TMPPE: variants seen among roughly 807,000 people sequenced by gnomAD.
TMPPE encodes the protein transmembrane protein with metallophosphoesterase domain.
A neutral mutation model predicts 22.6 loss-of-function variants in TMPPE; 16 were observed. That is an observed-to-expected ratio of 0.71 (90% CI 0.48 to 1.08). The LOEUF (loss-of-function observed/expected upper bound fraction) is 1.08. Ranked by LOEUF, TMPPE falls within the 50% of genes least tolerant of loss-of-function variation. The probability of loss-of-function intolerance (pLI) is 0.00; values close to 1 mark genes in which losing one functional copy is unlikely to be tolerated. For synonymous variants in TMPPE, 240 were observed against 245.3 expected (o/e 0.98, Z 0.20); for missense variants, 526 against 584.3 (o/e 0.90, Z 1.03).
In TMPPE at chr3:33,091,734, A is replaced by G; in HGVS notation, c.*1100T>C. On this transcript the variant is annotated 3_prime_UTR_variant, in exon 2 of 2. Transcript: ENST00000342462. The stretch of plus-strand genomic sequence containing the variant: ...TGCCCTATGAGTGAGCAGCAGGGTT[A>G]GCCTCTCCAGTCAGAGCGAGTGTCT... 1.0e-6 allele frequency: 1 copy of G among 985,416 alleles called. No homozygotes were observed. The highest frequency in any genetic ancestry group is 1.2e-6 in the Non-Finnish European group (1 of 829,924). 61.0% of individuals were successfully genotyped at this position (985,416 alleles called of 1,614,324 possible). A position where few individuals can be genotyped will look rare whatever the true frequency, so the allele number is the denominator to read the frequency against.
chr3:33,092,739 G>A lies in TMPPE; in HGVS notation c.*95C>T. The A allele has an allele frequency of 6.6e-7, 1 of 1,504,648 alleles. No homozygotes were observed. Among genetic ancestry groups the A allele is most frequent in the African/African-American group, 1.4e-5 (1 of 71,874 alleles). The allele number at this position is 1,504,648 out of a possible 1,614,324, so 93.2% of individuals were successfully genotyped here. On this transcript the variant is annotated 3_prime_UTR_variant, in exon 2 of 2. Transcript: ENST00000342462. Reference sequence around the variant, plus strand: ...AAGGGTGTGTAGGCAAGGATGAGTGGGCAAGGCTGGAGGGGAAAAGCAGGC... The same window carrying A: ...AAGGGTGTGTAGGCAAGGATGAGTGAGCAAGGCTGGAGGGGAAAAGCAGGC...
chr3:33,091,221 A>G lies in TMPPE; in HGVS notation c.*1613T>C, dbSNP rs1700745117. ...AAGGAAACCACCAAAATTTCAACTC[A>G]AAGATACATTTTAAACTGCATGGTA... On this transcript the variant is annotated 3_prime_UTR_variant, in exon 2 of 2. Coordinates refer to ENST00000342462, the MANE Select transcript of TMPPE (RefSeq NM_001039770.3). 5 of 985,378 alleles carry G rather than the reference A, an allele frequency of 5.1e-6. No homozygotes were observed. The South Asian group carries it at 2.3e-4, about 46-fold the overall frequency. 61.0% of individuals were successfully genotyped at this position (985,378 alleles called of 1,614,324 possible). A position where few individuals can be genotyped will look rare whatever the true frequency, so the allele number is the denominator to read the frequency against.
intron 1 of TMPPE, 160 bp downstream of exon 1, chr3:33,096,559 C>T: frequency 1.0e-6 from 1 of 984,400 alleles, no homozygotes; most frequent in Non-Finnish European, 1.2e-6. Context: ...GTTCCCACTG[C>T]AAGGGCCTCT....
intron 1 of TMPPE, 37 bp from the exon 2 acceptor site, chr3:33,094,340 T>G: frequency 6.9e-7 from 1 of 1,454,006 alleles, no homozygotes; most frequent in Non-Finnish European, 9.1e-7. Context: ...TGTGGGATAT[T>G]AGAGTGTCCT....
Position 33,094,091 on chromosome 3 carries a change from A to G in TMPPE, c.105T>C (p.Leu35=). Reference sequence around the variant, plus strand: ...GCAGCCAACGCCAGGCCCTGAGCTCAAGGCTCTCTGCCAGATACGAGCGGG... The same window carrying G: ...GCAGCCAACGCCAGGCCCTGAGCTCGAGGCTCTCTGCCAGATACGAGCGGG... ...IASRSYLAES[L]ELRAWRWLLR... is the part of the protein sequence containing the mutation. Residue 35 remains leucine, a synonymous_variant, in exon 2 of 2, where the codon CTT becomes CTC. Transcript: ENST00000342462. The G allele has an allele frequency of 6.2e-7, 1 of 1,614,282 alleles. No homozygotes were observed. The highest frequency in any genetic ancestry group is 8.5e-7 in the Non-Finnish European group (1 of 1,180,052).
rs566906444 is a variant in TMPPE, at chr3:33,096,841, G to C, written c.-231C>G. On this transcript the variant is annotated 5_prime_UTR_variant, in exon 1 of 2. Coordinates refer to ENST00000342462, the MANE Select transcript of TMPPE (RefSeq NM_001039770.3). ...GCGCCCCGCCCGGCCCGCCCCCGAC[G>C]GGAAGGCCGGTCCACTGCCTGCGTT... 7.3e-7 allele frequency: 1 copy of C among 1,364,512 alleles called. No individual in the cohort carries two copies. The highest frequency in any genetic ancestry group is 9.4e-7 in the Non-Finnish European group (1 of 1,059,316). 84.5% of individuals were successfully genotyped at this position (1,364,512 alleles called of 1,614,324 possible).
At position 33,092,363 on chromosome 3, in the gene TMPPE, G is replaced by A. The variant is rs1004580254; in HGVS notation, c.*471C>T. 2 of 987,758 alleles carry A rather than the reference G, an allele frequency of 2.0e-6. No homozygotes were observed. The highest frequency in any genetic ancestry group is 3.5e-5 in the African/African-American group (2 of 57,234). The allele number at this position is 987,758 out of a possible 1,614,324, so 61.2% of individuals were successfully genotyped here. The stretch of plus-strand genomic sequence containing the variant: ...TCTTGCCTGTTCTCCCAAATTACCT[G>A]GCAACACTACCCCTTCCCCAGAAAG... On this transcript the variant is annotated 3_prime_UTR_variant, in exon 2 of 2. Transcript: ENST00000342462.
chr3:33,091,919 C>G lies in TMPPE; in HGVS notation c.*915G>C. ...GCTTCTGGCAAAAGGGCAAAAGCAC[C>G]GCTTTTACTGGGAGGTACAAGACCT... is the stretch of plus-strand genomic sequence containing the variant. On this transcript the variant is annotated 3_prime_UTR_variant, in exon 2 of 2. Coordinates refer to ENST00000342462, the MANE Select transcript of TMPPE (RefSeq NM_001039770.3). The G allele has an allele frequency of 4.1e-6, 4 of 985,344 alleles. No individual in the cohort carries two copies. The highest frequency in any genetic ancestry group is 4.8e-6 in the Non-Finnish European group (4 of 829,890). The allele number at this position is 985,344 out of a possible 1,614,324, so 61.0% of individuals were successfully genotyped here.
In TMPPE at chr3:33,092,954, G is replaced by A. The variant is rs1700833597; in HGVS notation, c.1242C>T (p.Leu414=). Residue 414 remains leucine (L), a synonymous_variant, in exon 2 of 2, where the codon CTC becomes CTT. Coordinates refer to ENST00000342462, the MANE Select transcript of TMPPE (RefSeq NM_001039770.3). ...CGAATGTAGCCTGGGCCACCTGGTAGAGACCAGCAAAGAAGGGATTCAGGA... is the reference window on the plus strand; with the variant it reads ...CGAATGTAGCCTGGGCCACCTGGTAAAGACCAGCAAAGAAGGGATTCAGGA... ...AYLLNPFFAG[L]YQVAQATFVY... The A allele has an allele frequency of 3.1e-6, 5 of 1,614,250 alleles. No homozygotes were observed. Among genetic ancestry groups the A allele is most frequent in the Non-Finnish European group, 4.2e-6 (5 of 1,180,050 alleles).
Position 33,097,042 on chromosome 3 carries a change from A to G in TMPPE, c.-432T>C, listed in dbSNP as rs772183378. ...GCCGCGCGTAGGGCCCAGAAGCAGC[A>G]GAACCAGCAACAGAGGGAGGATGCG... is the stretch of plus-strand genomic sequence containing the variant. On this transcript the variant is annotated 5_prime_UTR_variant, in exon 1 of 2. Transcript: ENST00000342462. The G allele has an allele frequency of 1.9e-6, 3 of 1,612,502 alleles. No individual in the cohort carries two copies. The highest frequency in any genetic ancestry group is 2.5e-6 in the Non-Finnish European group (3 of 1,179,086).
At chr3:33,095,216 A>G (rs1700967909) in intron 1 of TMPPE, among the ~76,000 whole-genome samples, 1 of 108,254 alleles carries the variant, frequency 9.2e-6, no homozygotes, top group Non-Finnish European at 2.1e-5. Context: ...GTCTCAAAAA[A>G]AAAAAAAAAA....
Position 33,097,115 on chromosome 3 carries a change from C to T in TMPPE, c.-505G>A, listed in dbSNP as rs1352339428. ...ACCAGCCTCCCGGCTCTGCAGTCGG[C>T]GCCCAGGCCGGCCGCTTCGCGTCAC... On this transcript the variant is annotated 5_prime_UTR_variant, in exon 1 of 2. Transcript: ENST00000342462. 2.5e-6 allele frequency: 4 copies of T among 1,609,392 alleles called. No homozygotes were observed. The highest frequency in any genetic ancestry group is 3.4e-6 in the Non-Finnish European group (4 of 1,177,748).
chr3:33,091,632 G>T lies in TMPPE; in HGVS notation c.*1202C>A, dbSNP rs1700766971. On this transcript the variant is annotated 3_prime_UTR_variant, in exon 2 of 2. Transcript: ENST00000342462. ...ATCCCTCCTGACAAAACAATCTTGA[G>T]GTAGATACGATAATTATCCCCATTT... 1 of 984,052 alleles carries T rather than the reference G, an allele frequency of 1.0e-6. No individual in the cohort carries two copies. Among genetic ancestry groups the T allele is most frequent in the Admixed American group, 6.1e-5 (1 of 16,264 alleles). 61.0% of individuals were successfully genotyped at this position (984,052 alleles called of 1,614,324 possible).
Position 33,093,334 on chromosome 3 carries a change from A to G in TMPPE, c.862T>C (p.Trp288Arg). 1 of 1,614,200 alleles carries G rather than the reference A, an allele frequency of 6.2e-7. No homozygotes were observed. The part of the protein sequence containing the change: ...HEYYTSDVSN[W>R]FALLESLHVQ... ...TGCAGGGATTCCAGAAGTGCAAACC[A>G]GTTGCTGACATCTGACGTGTAGTAC... The change falls in exon 2 of 2, where the codon TGG (tryptophan) becomes CGG (arginine). Residue 288 changes from tryptophan to arginine, a missense_variant. By Grantham distance (101) the Trp-to-Arg change is moderately radical. Transcript: ENST00000342462. The surrounding 1 kb of genome is among the most constrained non-coding windows in gnomAD (Gnocchi z 6.0).
chr3:33,096,819 C>T lies in TMPPE; in HGVS notation c.-209G>A. 1 of 1,364,306 alleles carries T rather than the reference C, an allele frequency of 7.3e-7. No homozygotes were observed. Among genetic ancestry groups the T allele is most frequent in the Non-Finnish European group, 9.4e-7 (1 of 1,061,880 alleles). The allele number at this position is 1,364,306 out of a possible 1,614,324, so 84.5% of individuals were successfully genotyped here. A position where few individuals can be genotyped will look rare whatever the true frequency, so the allele number is the denominator to read the frequency against. Reference sequence around the variant, plus strand: ...ACCGAGCTGCCTGGAAGGACGCGCGCCCCGCCCGGCCCGCCCCCGACGGGA... The same window carrying T: ...ACCGAGCTGCCTGGAAGGACGCGCGTCCCGCCCGGCCCGCCCCCGACGGGA... On this transcript the variant is annotated 5_prime_UTR_variant, in exon 1 of 2. Coordinates refer to ENST00000342462, the MANE Select transcript of TMPPE (RefSeq NM_001039770.3).
chr3:33,094,015 G>A lies in TMPPE; in HGVS notation c.181C>T (p.Leu61Phe), dbSNP rs754237447. The A allele has an allele frequency of 2.4e-5, 39 of 1,614,232 alleles. No individual in the cohort carries two copies. The highest frequency in any genetic ancestry group is 8.9e-5 in the East Asian group (4 of 44,886). ...FVNSLLLIGS[L>F]YIWRSTVSNL... ...CTCACTGTGCTGCGCCAAATGTAGA[G>A]GGAGCCAATGAGCAAGAGCGAGTTG... The change falls in exon 2 of 2, where the codon CTC (leucine) becomes TTC (phenylalanine). Residue 61 changes from leucine to phenylalanine, a missense_variant. By Grantham distance (22) the Leu-to-Phe change is conservative. Transcript: ENST00000342462.
intron 1 of TMPPE, among the ~76,000 whole-genome samples, chr3:33,094,613 C>T (rs183106726): frequency 6.6e-6 from 1 of 152,314 alleles, no homozygotes; most frequent in South Asian, 2.1e-4. Flanking sequence ...CTTCAGGGGT[C>T]CAATTAGTCA....
At chr3:33,095,483 C>A (rs1386017409) in intron 1 of TMPPE, among the ~76,000 whole-genome samples, 13 of 152,114 alleles carry the variant, frequency 8.5e-5, no homozygotes, top group Non-Finnish European at 7.4e-5. Flanking sequence ...TAATGGAAAG[C>A]TAGACTGCTG....
At position 33,097,088 on chromosome 3, in the gene TMPPE, C is replaced by T; in HGVS notation, c.-478G>A. On this transcript the variant is annotated 5_prime_UTR_variant, in exon 1 of 2. Coordinates refer to ENST00000342462, the MANE Select transcript of TMPPE (RefSeq NM_001039770.3). The stretch of plus-strand genomic sequence containing the variant: ...ATGCGAACCAGGAACCCCGGCATGA[C>T]CACCAGCCTCCCGGCTCTGCAGTCG... 1.2e-6 allele frequency: 2 copies of T among 1,612,330 alleles called. No homozygotes were observed. The highest frequency in any genetic ancestry group is 1.3e-5 in the African/African-American group (1 of 74,928).
Sources: gnomAD v4.1 joint callset for allele counts (sites outside exome capture counted in the v4.1 genomes callset) on GRCh38, gnomAD v4.1.1 for gene constraint, Gnocchi (gnomAD v3.1) non-coding constraint, MANE v1.5 for transcripts, NCBI Gene and HGNC (gene_info 2026-07-23, HGNC 2026-07-21) for gene names.